The following CEP70 variants were observed in gnomAD, a reference collection of about 807,000 sequenced individuals.
CEP70 encodes centrosomal protein of 70 kDa.
In CEP70, 70 loss-of-function variants were observed where a neutral mutation model predicts 90.9. The ratio of observed to expected loss-of-function variants is 0.77; its 90% CI spans 0.64 to 0.94. The LOEUF (loss-of-function observed/expected upper bound fraction) is 0.94, where lower values mean the gene tolerates loss of function less well. Among genes scored for constraint, CEP70 ranks in the 40% least tolerant of loss-of-function variants. CEP70 has a pLI of 0.00. For missense variants in CEP70, 648 were observed against 669.0 expected (o/e 0.97, Z 0.35); for synonymous variants, 220 against 228.3 (o/e 0.96, Z 0.33).
At chr3:138,554,572 T>C (rs1188307198) in intron 6 of CEP70, among the ~76,000 whole-genome samples, 2 of 152,122 alleles carry the variant, frequency 1.3e-5, no homozygotes, top group Admixed American at 6.6e-5. Context: ...GAAAACTCCT[T>C]AGAGTTTTCT....
At chr3:138,499,363 A>C (rs1443202004) in intron 16 of CEP70, among the ~76,000 whole-genome samples, 1 of 152,192 alleles carries the variant, frequency 6.6e-6, no homozygotes, top group Non-Finnish European at 1.5e-5. Context: ...AAACTCCTCA[A>C]CATTTATCTT....
chr3:138,567,017 T>C (rs1455839144), intron 6 of CEP70, among the ~76,000 whole-genome samples: 1 of 152,120 alleles, frequency 6.6e-6, no homozygotes, highest in Non-Finnish European at 1.5e-5. Flanking sequence ...GATATATCTA[T>C]ACAATGGAGT....
intron 7 of CEP70, among the ~76,000 whole-genome samples, chr3:138,535,436 A>G (rs1672927): frequency 0.55 from 83,620 of 152,014 alleles, 24,770 homozygotes; most frequent in African/African-American, 0.78. Context: ...ACATGCATAT[A>G]TGTCTATCTA....
chr3:138,542,143 G>A (rs1162848007), intron 6 of CEP70, among the ~76,000 whole-genome samples: 1 of 152,192 alleles, frequency 6.6e-6, no homozygotes, highest in Non-Finnish European at 1.5e-5. Flanking sequence ...TAGCAAATGT[G>A]GGGTCTGGCT....
At chr3:138,560,391 T>A (rs1057289431) in intron 6 of CEP70, among the ~76,000 whole-genome samples, 12 of 152,008 alleles carry the variant, frequency 7.9e-5, no homozygotes, top group Admixed American at 7.9e-4. Flanking sequence ...CCCTCCAGTG[T>A]CTATGCCACC....
chr3:138,526,668 T>G (rs1361112811), intron 10 of CEP70, among the ~76,000 whole-genome samples: 1 of 152,256 alleles, frequency 6.6e-6, no homozygotes, highest in African/African-American at 2.4e-5. Context: ...TGTGCCATTA[T>G]AAATTTTACT....
chr3:138,495,001 G>C lies in CEP70; in HGVS notation c.*14C>G. 7.6e-7 allele frequency: 1 copy of C among 1,314,352 alleles called. No homozygotes were observed. Among genetic ancestry groups the C allele is most frequent in the Non-Finnish European group, 1.1e-6 (1 of 923,418 alleles). 81.4% of individuals were successfully genotyped at this position (1,314,352 alleles called of 1,614,324 possible). ...AGAATACAATTTACACAGTAAAAATGATTTGATTTGTTTTCAGTATGAAAG... is the reference window on the plus strand; with the variant it reads ...AGAATACAATTTACACAGTAAAAATCATTTGATTTGTTTTCAGTATGAAAG... On this transcript the variant is annotated 3_prime_UTR_variant, in exon 18 of 18. Coordinates refer to ENST00000264982, the MANE Select transcript of CEP70 (RefSeq NM_024491.4).
chr3:138,532,546 A>C lies in CEP70; in HGVS notation c.660T>G (p.Tyr220Ter), dbSNP rs1282445490. Reference sequence around the variant, plus strand: ...TATGAATTTTTCTAATTTTAGATTCATAGTAATCAATTAGACAAAGCAACC... The same window carrying C: ...TATGAATTTTTCTAATTTTAGATTCCTAGTAATCAATTAGACAAAGCAACC... ...DRQLLCLIDY[Y>*]ESKIRKIHTQ... The change falls in exon 8 of 18, where the codon TAT becomes TAG. Residue 220 changes from tyrosine (Y) to a stop codon, truncating the protein, a stop_gained. Transcript: ENST00000264982. LOFTEE classifies it high-confidence loss of function. The C allele has an allele frequency of 6.6e-7, 1 of 1,509,714 alleles. No individual in the cohort carries two copies. The highest frequency in any genetic ancestry group is 8.9e-7 in the Non-Finnish European group (1 of 1,127,874). The allele number at this position is 1,509,714 out of a possible 1,614,324, so 93.5% of individuals were successfully genotyped here.
chr3:138,495,085 CA>C lies in CEP70; in HGVS notation c.1733-10del, dbSNP rs2033871648. ...ATCCAAGTCATCAATTTCTGTAATA[CA>C]AAAACAGTAATAATAAAAGAGAGTA... On this transcript the variant is annotated splice_polypyrimidine_tract_variant and intron_variant, in intron 17 of 17. Coordinates refer to ENST00000264982, the MANE Select transcript of CEP70 (RefSeq NM_024491.4). 4 of 1,511,492 alleles carry C rather than the reference CA, an allele frequency of 2.6e-6. No homozygotes were observed. The highest frequency in any genetic ancestry group is 2.7e-6 in the Non-Finnish European group (3 of 1,091,032). 93.6% of individuals were successfully genotyped at this position (1,511,492 alleles called of 1,614,324 possible). A position where few individuals can be genotyped will look rare whatever the true frequency, so the allele number is the denominator to read the frequency against.
Position 138,494,805 on chromosome 3 carries a change from AGT to A in CEP70, c.*208_*209del. 1 of 403,932 alleles carries A rather than the reference AGT, an allele frequency of 2.5e-6. No homozygotes were observed. Among genetic ancestry groups the A allele is most frequent in the Non-Finnish European group, 4.4e-6 (1 of 224,870 alleles). 25.0% of individuals were successfully genotyped at this position (403,932 alleles called of 1,614,324 possible). A position where few individuals can be genotyped will look rare whatever the true frequency, so the allele number is the denominator to read the frequency against. On this transcript the variant is annotated 3_prime_UTR_variant, in exon 18 of 18. Transcript: ENST00000264982. ...TTGCTTTAGAAATGAAGGGATCTAA[AGT>A]TAATTACCTTACCCTTGCAACTATT...
At chr3:138,530,492 T>C (rs1207411565) in intron 8 of CEP70, 2 of 545,772 alleles carry the variant, frequency 3.7e-6, no homozygotes, top group South Asian at 8.0e-5. Flanking sequence ...CATGTGCATA[T>C]AGTCTGATGA....
chr3:138,573,134 C>T (rs556730792), intron 2 of CEP70: 80 of 574,556 alleles, frequency 1.4e-4, no homozygotes, highest in African/African-American at 1.4e-3. Flanking sequence ...TTGAATAAAC[C>T]CTATCTTATA....
At chr3:138,498,585 C>T (rs768906731) in intron 16 of CEP70, among the ~76,000 whole-genome samples, 1 of 151,766 alleles carries the variant, frequency 6.6e-6, no homozygotes, top group Non-Finnish European at 1.5e-5. Context: ...CCGCCCACCT[C>T]GGCCTCCCAA....
At chr3:138,558,676 A>G (rs1030878520) in intron 6 of CEP70, among the ~76,000 whole-genome samples, 3 of 152,198 alleles carry the variant, frequency 2.0e-5, no homozygotes, top group Non-Finnish European at 4.4e-5. Flanking sequence ...AGATGATCCC[A>G]GATTACTAGT....
intron 6 of CEP70, among the ~76,000 whole-genome samples, chr3:138,557,433 G>T (rs1032968364): frequency 2.0e-5 from 3 of 152,220 alleles, no homozygotes; most frequent in Middle Eastern, 3.2e-3. Context: ...CAAGGGTATT[G>T]ATTGGGGAAG....
At chr3:138,508,954 C>T (rs1270778612) in intron 11 of CEP70, among the ~76,000 whole-genome samples, 4 of 152,020 alleles carry the variant, frequency 2.6e-5, no homozygotes, top group South Asian at 2.1e-4. Flanking sequence ...AGGATGGTCT[C>T]GATCTCCTGA....
At chr3:138,529,144 G>A (rs2037566397) in intron 10 of CEP70, 55 bp downstream of exon 10, 1 of 1,081,500 alleles carries the variant, frequency 9.2e-7, no homozygotes, top group Admixed American at 2.2e-5. Flanking sequence ...TGGCCTGAGT[G>A]ACAGAGTGAG....
At position 138,570,483 on chromosome 3, in the gene CEP70, T is replaced by C. The variant is rs1468255585; in HGVS notation, c.300A>G (p.Leu100=). 1 of 1,604,764 alleles carries C rather than the reference T, an allele frequency of 6.2e-7. No individual in the cohort carries two copies. Residue 100 remains leucine (L), a synonymous_variant, in exon 6 of 18, where the codon CTA becomes CTG. Transcript: ENST00000264982. ...TNQQLRNELQ[L]EQSRAANQEQ... is the part of the protein sequence containing the mutation. ...CTTGATTGGCTGCTCGGCTTTGCTC[T>C]AGCTGAAGTTCATTTCTAAGTTAAT...
At chr3:138,539,804 A>T (rs2107833935) in intron 6 of CEP70, among the ~76,000 whole-genome samples, 1 of 152,328 alleles carries the variant, frequency 6.6e-6, no homozygotes, top group African/African-American at 2.4e-5. Flanking sequence ...AACATCCATG[A>T]ACAGGAAGGT....
Sources: allele counts gnomAD v4.1 joint callset (sites outside exome capture counted in the v4.1 genomes callset), GRCh38; gene constraint gnomAD v4.1.1; transcripts MANE v1.5; gene names NCBI Gene and HGNC (gene_info 2026-07-23, HGNC 2026-07-21).